GSTCD: variants seen among roughly 807,000 people sequenced by gnomAD.
The protein encoded by GSTCD is glutathione S-transferase C-terminal domain containing.
In GSTCD, 44 loss-of-function variants were observed where a neutral mutation model predicts 68.3. That is an observed-to-expected ratio of 0.64 (90% CI 0.51 to 0.83). The LOEUF is 0.83. GSTCD is among the 40% of genes least tolerant of loss of function. The pLI is 0.00. For synonymous variants in GSTCD, 273 were observed against 255.2 expected (o/e 1.07, Z -0.67); for missense variants, 739 against 735.9 (o/e 1.00, Z -0.05).
chr4:105,746,162 A>ACTGGAAG (rs1347809692), intron 5 of GSTCD: 3 of 152,138 alleles, frequency 2.0e-5, no homozygotes, highest in Admixed American at 2.0e-4. Flanking sequence ...CTCACCAATA[A>ACTGGAAG]CCTAAACAGT....
intron 5 of GSTCD, among the ~76,000 whole-genome samples, chr4:105,773,724 CTGTTA>C (rs1734945737): frequency 6.6e-6 from 1 of 151,014 alleles, no homozygotes. Flanking sequence ...GTCTGCGAGA[CTGTTA>C]TGATTTCTGT....
chr4:105,760,440 A>G (rs1734362584), intron 5 of GSTCD, among the ~76,000 whole-genome samples: 1 of 152,148 alleles, frequency 6.6e-6, no homozygotes, highest in South Asian at 2.1e-4. Flanking sequence ...CTCTTTTCTG[A>G]GACTTTGATC....
chr4:105,743,320 G>GT (rs78204927), intron 5 of GSTCD, among the ~76,000 whole-genome samples: 3 of 151,804 alleles, frequency 2.0e-5, no homozygotes, highest in Admixed American at 6.6e-5. Flanking sequence ...TTATGTACAT[G>GT]TTTTTTTTCT....
At chr4:105,799,279 C>T (rs1254921255) in intron 5 of GSTCD, among the ~76,000 whole-genome samples, 1 of 152,144 alleles carries the variant, frequency 6.6e-6, no homozygotes, top group African/African-American at 2.4e-5. Flanking sequence ...AGGCATTTTG[C>T]TTTCTTATCA....
At chr4:105,816,419 A>T (rs1352307835) in intron 5 of GSTCD, among the ~76,000 whole-genome samples, 1 of 152,078 alleles carries the variant, frequency 6.6e-6, no homozygotes, top group Non-Finnish European at 1.5e-5. Context: ...TCTTTCTGGA[A>T]AGGGTGAGAC....
intron 5 of GSTCD, among the ~76,000 whole-genome samples, chr4:105,735,626 G>C (rs990245702): frequency 1.3e-5 from 2 of 152,022 alleles, no homozygotes; most frequent in Non-Finnish European, 2.9e-5. Flanking sequence ...CACTTCCTGG[G>C]TGAGGCGATG....
chr4:105,784,981 A>G (rs1735409837), intron 5 of GSTCD, among the ~76,000 whole-genome samples: 1 of 152,148 alleles, frequency 6.6e-6, no homozygotes, highest in Non-Finnish European at 1.5e-5. Context: ...ATCTGGATGT[A>G]CAGTGTAATA....
Position 105,825,724 on chromosome 4 carries a change from G to A in GSTCD, c.1454G>A (p.Ser485Asn), listed in dbSNP as rs1024622730. 1 of 1,530,860 alleles carries A rather than the reference G, an allele frequency of 6.5e-7. No homozygotes were observed. Among genetic ancestry groups the A allele is most frequent in the African/African-American group, 1.4e-5 (1 of 73,176 alleles). The allele number at this position is 1,530,860 out of a possible 1,614,324, so 94.8% of individuals were successfully genotyped here. The change falls in exon 8 of 12, where the codon AGT becomes AAT. Residue 485 changes from serine (S) to asparagine (N), a missense_variant. Coordinates refer to ENST00000515279, the MANE Select transcript of GSTCD (RefSeq NM_001370181.1). The stretch of plus-strand genomic sequence containing the variant: ...TCATTAATTCGTGCTAAGAAGAGAA[G>A]TGATGAACTGGGTTTAAGCAACATT... ...ELSLIRAKKR[S>N]DELGLSNIWF...
chr4:105,764,534 T>C (rs1734534279), intron 5 of GSTCD, among the ~76,000 whole-genome samples: 1 of 136,334 alleles, frequency 7.3e-6, no homozygotes, highest in Admixed American at 7.5e-5. Context: ...GCAGGGATGC[T>C]TTCTGGCGAG....
At chr4:105,795,355 T>C (rs905055676) in intron 5 of GSTCD, among the ~76,000 whole-genome samples, 10 of 152,068 alleles carry the variant, frequency 6.6e-5, no homozygotes, top group African/African-American at 2.4e-4. Context: ...TTAATAGTAG[T>C]GCTTTTGTTC....
chr4:105,754,944 G>A lies in GSTCD; in HGVS notation c.1240+25445G>A, dbSNP rs544038974. On this transcript the variant is annotated intron_variant, in intron 5 of 11. Coordinates refer to ENST00000515279, the MANE Select transcript of GSTCD (RefSeq NM_001370181.1). ...ACTTAGAAAGTTGCTTTCTGACTGG[G>A]TGCAGTGATTCATTCCTGTAATCCC... Among the ~76,000 whole-genome samples, 8 of 151,528 alleles carry A rather than the reference G, an allele frequency of 5.3e-5. No individual in the cohort carries two copies. The East Asian group carries it at 1.2e-3, about 22-fold the overall frequency.
chr4:105,843,330 T>A (rs1724429695), intron 11 of GSTCD, among the ~76,000 whole-genome samples: 1 of 152,216 alleles, frequency 6.6e-6, no homozygotes, highest in African/African-American at 2.4e-5. Flanking sequence ...ATGCCTTTCC[T>A]TCTTGCTCCT....
chr4:105,779,035 A>C (rs1307372770), intron 5 of GSTCD, among the ~76,000 whole-genome samples: 1 of 152,222 alleles, frequency 6.6e-6, no homozygotes, highest in African/African-American at 2.4e-5. Flanking sequence ...TTAAATAACC[A>C]AAAAACAATT....
At chr4:105,713,698 A>G (rs556044758) in intron 1 of GSTCD, among the ~76,000 whole-genome samples, 1 of 152,242 alleles carries the variant, frequency 6.6e-6, no homozygotes, top group East Asian at 1.9e-4. Context: ...AATATTTAAA[A>G]CTTTATTTAC....
intron 10 of GSTCD, among the ~76,000 whole-genome samples, chr4:105,838,184 G>A (rs1216966418): frequency 6.6e-6 from 1 of 152,166 alleles, no homozygotes; most frequent in Non-Finnish European, 1.5e-5. Flanking sequence ...AAGACAGTTT[G>A]TTGCTCATGG....
intron 3 of GSTCD, among the ~76,000 whole-genome samples, chr4:105,720,950 T>C (rs777001644): frequency 6.6e-6 from 1 of 152,100 alleles, no homozygotes; most frequent in Non-Finnish European, 1.5e-5. Context: ...TTTTCCTTCG[T>C]TCCTTTGTAT....
In GSTCD at chr4:105,845,692, T is replaced by C; in HGVS notation, c.*115T>C. 1 of 1,092,244 alleles carries C rather than the reference T, an allele frequency of 9.2e-7. No individual in the cohort carries two copies. Among genetic ancestry groups the C allele is most frequent in the Non-Finnish European group, 1.3e-6 (1 of 749,548 alleles). The allele number at this position is 1,092,244 out of a possible 1,614,324, so 67.7% of individuals were successfully genotyped here. On this transcript the variant is annotated 3_prime_UTR_variant, in exon 12 of 12. Transcript: ENST00000515279. ...AGCATTAGCCATCTTGAACCTATTG[T>C]GCTCAGGAAGGAAAGCAACAGGGAA...
chr4:105,780,783 G>A (rs1735247104), intron 5 of GSTCD, among the ~76,000 whole-genome samples: 1 of 152,080 alleles, frequency 6.6e-6, no homozygotes, highest in African/African-American at 2.4e-5. Flanking sequence ...AGCAGAGTCT[G>A]AAAGTATAGT....
In GSTCD at chr4:105,717,468, A is replaced by G. The variant is rs150323789; in HGVS notation, c.-21-125A>G. ...TAGTCAGTCTTCAGAAACAAACCTT[A>G]TAGCATTATTATCTACTGCAAATTT... On this transcript the variant is annotated intron_variant, in intron 1 of 11. Coordinates refer to ENST00000515279, the MANE Select transcript of GSTCD (RefSeq NM_001370181.1). 1.2e-3 allele frequency: 710 copies of G among 612,688 alleles called. 8 individuals carry two copies. In the African/African-American group the frequency reaches 0.012, roughly 11 times the overall value. 38.0% of individuals were successfully genotyped at this position (612,688 alleles called of 1,614,324 possible).
Sources: allele counts gnomAD v4.1 joint callset (sites outside exome capture counted in the v4.1 genomes callset), GRCh38; gene constraint gnomAD v4.1.1; transcripts MANE v1.5; gene names NCBI Gene and HGNC (gene_info 2026-07-23, HGNC 2026-07-21).